The following NPAS3 variants were observed in gnomAD, a reference collection of about 807,000 sequenced individuals.
NPAS3 encodes the protein neuronal PAS domain protein 3, also known as neuronal PAS domain-containing protein 3.
A neutral mutation model predicts 73.1 loss-of-function variants in NPAS3; 14 were observed. The ratio of observed to expected loss-of-function variants is 0.19; its 90% CI spans 0.13 to 0.30. NPAS3 has a LOEUF of 0.30. Ranked by LOEUF, NPAS3 falls within the 10% of genes least tolerant of loss-of-function variation. The probability of loss-of-function intolerance (pLI) is 1.00; values close to 1 mark genes in which losing one functional copy is unlikely to be tolerated. For missense variants in NPAS3, 1,096 were observed against 1,250.0 expected (o/e 0.88, Z 1.86); for synonymous variants, 620 against 541.5 (o/e 1.14, Z -2.01).
At chr14:33,593,322 C>T (rs28680258) in intron 5 of NPAS3, among the ~76,000 whole-genome samples, 5,475 of 152,248 alleles carry the variant, frequency 0.036, 206 homozygotes, top group African/African-American at 0.094. Context: ...CTCCAAAGCC[C>T]ATTTCTTTTG....
chr14:33,557,104 A>T (rs4982095), intron 4 of NPAS3, among the ~76,000 whole-genome samples: 49,759 of 151,908 alleles, frequency 0.33, 9,991 homozygotes, highest in East Asian at 0.57. Flanking sequence ...AGATATGTTG[A>T]AATTAGATCC....
At chr14:32,967,912 AGT>A (rs10556511) in intron 1 of NPAS3, among the ~76,000 whole-genome samples, 125,675 of 151,792 alleles carry the variant, frequency 0.83, 52,172 homozygotes, top group East Asian at 0.98. Flanking sequence ...ACATTGTGAG[AGT>A]GTGTGTGTGT....
chr14:33,106,607 C>T (rs1228091390), intron 2 of NPAS3, among the ~76,000 whole-genome samples: 1 of 152,152 alleles, frequency 6.6e-6, no homozygotes, highest in East Asian at 1.9e-4. Context: ...CACTGGAGCC[C>T]TGCTCTTAAA....
intron 9 of NPAS3, chr14:33,780,558 G>A: frequency 4.7e-6 from 2 of 423,794 alleles, no homozygotes; most frequent in Non-Finnish European, 9.2e-6. Context: ...AAAAAAAAAA[G>A]AACTTTGTCT....
intron 2 of NPAS3, among the ~76,000 whole-genome samples, chr14:33,095,893 C>T (rs1233452057): frequency 1.3e-5 from 2 of 151,464 alleles, no homozygotes; most frequent in African/African-American, 2.4e-5. Context: ...AGGATGGTCT[C>T]GATCTCCTGA....
intron 4 of NPAS3, among the ~76,000 whole-genome samples, chr14:33,429,477 A>T (rs575247917): frequency 6.6e-5 from 10 of 152,146 alleles, no homozygotes; most frequent in Non-Finnish European, 1.3e-4. Flanking sequence ...ACCATACCCA[A>T]CATCATCTTC....
At chr14:33,654,882 G>A (rs778709898) in intron 5 of NPAS3, among the ~76,000 whole-genome samples, 12 of 152,154 alleles carry the variant, frequency 7.9e-5, no homozygotes, top group East Asian at 3.8e-4. Context: ...AGATCACCAC[G>A]TGTTCCTGAT....
intron 5 of NPAS3, among the ~76,000 whole-genome samples, chr14:33,631,437 A>T (rs1306903994): frequency 1.3e-5 from 2 of 152,218 alleles, no homozygotes; most frequent in Non-Finnish European, 2.9e-5. Context: ...GAAAGCCTTC[A>T]AAACCCCATA....
At chr14:33,548,385 C>T (rs951363527) in intron 4 of NPAS3, among the ~76,000 whole-genome samples, 10 of 152,060 alleles carry the variant, frequency 6.6e-5, no homozygotes, top group African/African-American at 2.4e-4. Flanking sequence ...GGTAAATAAT[C>T]ATTGTGCACA....
Position 33,710,717 on chromosome 14 carries a change from T to A in NPAS3, c.734-24497T>A, listed in dbSNP as rs2060794661. 3.3e-5 allele frequency among the ~76,000 whole-genome samples: 5 copies of A among 152,206 alleles called. No individual in the cohort carries two copies. The South Asian group carries it at 1.0e-3, about 31-fold the overall frequency. On this transcript the variant is annotated intron_variant, in intron 6 of 11. Transcript: ENST00000356141. ...CCAGGACATTGTGCTATAGGCTGAG[T>A]GTCCCTAGGACATTCTGAGAACTAA... is the stretch of plus-strand genomic sequence containing the variant.
intron 3 of NPAS3, among the ~76,000 whole-genome samples, chr14:33,222,321 A>G (rs1314333297): frequency 6.6e-6 from 1 of 152,226 alleles, no homozygotes; most frequent in East Asian, 1.9e-4. Context: ...AGGAAAAAGA[A>G]GGAGGTCAGA....
intron 1 of NPAS3, among the ~76,000 whole-genome samples, chr14:33,019,244 T>C (rs2039503753): frequency 6.6e-6 from 1 of 152,210 alleles, no homozygotes; most frequent in Admixed American, 6.5e-5. Flanking sequence ...CACATCTCAC[T>C]CCACAGGCAA....
intron 5 of NPAS3, among the ~76,000 whole-genome samples, chr14:33,607,039 A>G (rs1051475048): frequency 6.6e-6 from 1 of 152,208 alleles, no homozygotes; most frequent in Non-Finnish European, 1.5e-5. Flanking sequence ...CTGTGTACCT[A>G]TTAGAATGGC....
At chr14:33,507,926 C>A (rs1323806646) in intron 4 of NPAS3, among the ~76,000 whole-genome samples, 1 of 151,760 alleles carries the variant, frequency 6.6e-6, no homozygotes, top group Admixed American at 6.6e-5. Flanking sequence ...GTGGGTGTGT[C>A]TCTGTCATTT....
intron 3 of NPAS3, among the ~76,000 whole-genome samples, chr14:33,328,446 CTTTTTTTTTTTTTTTTTTTTTTTT>C (rs58411120): frequency 2.0e-4 from 10 of 49,586 alleles, no homozygotes. Flanking sequence ...CTTTTCTTTT[CTTTTTTTTTTTTTTTTTTTTTTTT>C]TTTTTTTTTT....
chr14:33,429,763 G>T (rs1035100894), intron 4 of NPAS3, among the ~76,000 whole-genome samples: 1 of 152,088 alleles, frequency 6.6e-6, no homozygotes, highest in Non-Finnish European at 1.5e-5. Flanking sequence ...GAACTAAAAA[G>T]GTACATTTTG....
intron 4 of NPAS3, among the ~76,000 whole-genome samples, chr14:33,417,396 T>C (rs1237821412): frequency 6.6e-6 from 1 of 152,034 alleles, no homozygotes; most frequent in African/African-American, 2.4e-5. Context: ...TGGACCCTTA[T>C]CTGTTCCCTC....
chr14:33,102,759 A>T (rs2042613809), intron 2 of NPAS3, among the ~76,000 whole-genome samples: 1 of 152,194 alleles, frequency 6.6e-6, no homozygotes, highest in African/African-American at 2.4e-5. Context: ...GCTGCTGAAG[A>T]CAGCAGTTGT....
At chr14:33,068,584 A>G (rs958711140) in intron 2 of NPAS3, among the ~76,000 whole-genome samples, 22 of 152,208 alleles carry the variant, frequency 1.4e-4, no homozygotes, top group Non-Finnish European at 1.5e-5. Context: ...TAAACAGCAG[A>G]TGTTAAAAAT....
Sources: allele counts gnomAD v4.1 joint callset (sites outside exome capture counted in the v4.1 genomes callset), GRCh38; gene constraint gnomAD v4.1.1; transcripts MANE v1.5; gene names NCBI Gene and HGNC (gene_info 2026-07-23, HGNC 2026-07-21).